The following ANPEP variants were observed in gnomAD, a reference collection of about 807,000 sequenced individuals.
The protein encoded by ANPEP is alanyl aminopeptidase, membrane.
Under a neutral mutation model 114.6 loss-of-function variants are expected in ANPEP, and 70 were observed. The ratio of observed to expected loss-of-function variants is 0.61; its 90% CI spans 0.50 to 0.75. The LOEUF (loss-of-function observed/expected upper bound fraction) is 0.75. ANPEP is among the 30% of genes least tolerant of loss of function. The pLI is 0.00. For missense variants in ANPEP, 1,184 were observed against 1,259.5 expected, an observed-to-expected ratio of 0.94 and a Z score of 0.91; for synonymous variants, 548 against 522.3, an observed-to-expected ratio of 1.05 and a Z score of -0.67.
chr15:89,797,738 G>C lies in ANPEP; in HGVS notation c.2010-16C>G, dbSNP rs1295083555. On this transcript the variant is annotated splice_polypyrimidine_tract_variant and intron_variant, in intron 14 of 20. Transcript: ENST00000300060. ...CTTATGGGCACTGGGAATAAACAGA[G>C]GGGCCCAAGTAAAGCACCTCCACCC... is the stretch of plus-strand genomic sequence containing the variant. 1 of 1,613,788 alleles carries C rather than the reference G, an allele frequency of 6.2e-7. No homozygotes were observed.
At chr15:89,800,261 C>G (rs549731834) in intron 12 of ANPEP, among the ~76,000 whole-genome samples, 1 of 152,208 alleles carries the variant, frequency 6.6e-6, no homozygotes. Flanking sequence ...GATTCCTACT[C>G]TTCCTCTAAG....
intron 4 of ANPEP, 61 bp downstream of exon 4, chr15:89,805,017 C>A: frequency 6.2e-7 from 1 of 1,607,262 alleles, no homozygotes; most frequent in Non-Finnish European, 8.5e-7. Context: ...ATGAAGAGAA[C>A]GGGAAGACCC....
intron 1 of ANPEP, among the ~76,000 whole-genome samples, chr15:89,813,673 G>A (rs1338982969): frequency 6.6e-6 from 1 of 152,108 alleles, no homozygotes; most frequent in Non-Finnish European, 1.5e-5. Context: ...TGGGACAGAG[G>A]CTGTCCCCAC....
At chr15:89,791,361 C>G (rs1412703713) in intron 18 of ANPEP, among the ~76,000 whole-genome samples, 1 of 152,156 alleles carries the variant, frequency 6.6e-6, no homozygotes, top group Middle Eastern at 3.2e-3. Context: ...TCCTAGCGCC[C>G]CAAGCCCTGG....
intron 1 of ANPEP, among the ~76,000 whole-genome samples, chr15:89,814,006 C>A (rs371615946): frequency 7.6e-6 from 1 of 131,932 alleles, no homozygotes; most frequent in Non-Finnish European, 1.5e-5. Context: ...GGGGGGGGTG[C>A]GTTCTGGAGT....
chr15:89,806,684 G>A lies in ANPEP; in HGVS notation c.-101C>T, dbSNP rs1894723204. The A allele has an allele frequency of 6.9e-7, 1 of 1,443,558 alleles. No homozygotes were observed. Among genetic ancestry groups the A allele is most frequent in the African/African-American group, 1.4e-5 (1 of 69,706 alleles). The allele number at this position is 1,443,558 out of a possible 1,614,324, so 89.4% of individuals were successfully genotyped here. On this transcript the variant is annotated 5_prime_UTR_variant, in exon 2 of 21. Transcript: ENST00000300060. The surrounding 1 kb of genome is among the most constrained non-coding windows in gnomAD (Gnocchi z 5.7). ...CCCAAAGGGGAGGAGCCCCACAACA[G>A]GCAGACTGGGCAAAAATTAACCAGG...
chr15:89,811,564 T>C (rs1383758891), intron 1 of ANPEP, among the ~76,000 whole-genome samples: 3 of 149,134 alleles, frequency 2.0e-5, no homozygotes, highest in African/African-American at 7.5e-5. Context: ...GAGAATGGCA[T>C]GAACCCGGGA....
rs2141802569 is a variant in ANPEP at position 89,799,923 on chromosome 15, C to T, written c.1820-364G>A. Among the ~76,000 whole-genome samples the T allele has an allele frequency of 6.6e-6, 1 of 152,332 alleles. No homozygotes were observed. The highest frequency in any genetic ancestry group is 2.1e-4 in the South Asian group (1 of 4,828). On this transcript the variant is annotated intron_variant, in intron 12 of 20. Coordinates refer to ENST00000300060, the MANE Select transcript of ANPEP (RefSeq NM_001150.3). This position sits in a 1 kb window ranked among gnomAD's most constrained non-coding sequence, Gnocchi z 4.2. ...GTGGGAACCACAGGCAGCTCCTCCT[C>T]TCCCTTCCCCTCCCATTCACCCAGA...
intron 16 of ANPEP, 150 bp from the exon 17 acceptor site, chr15:89,792,712 C>A: frequency 1.4e-6 from 1 of 722,088 alleles, no homozygotes. Flanking sequence ...GTGCCTTGGG[C>A]CTGAGGTTCC....
Position 89,806,845 on chromosome 15 carries a change from C to T in ANPEP, c.-223-39G>A, listed in dbSNP as rs1018806722. The T allele has an allele frequency of 6.7e-5, 31 of 465,354 alleles. No individual in the cohort carries two copies. In the South Asian group the frequency reaches 7.8e-4, roughly 12 times the overall value. 28.8% of individuals were successfully genotyped at this position (465,354 alleles called of 1,614,324 possible). ...ACAGTGTCTGGTTACAGGCTGCAGG[C>T]GGCCTGGGATCAGGCCCGAGGGCTG... On this transcript the variant is annotated intron_variant, in intron 1 of 20. Transcript: ENST00000300060. This position sits in a 1 kb window ranked among gnomAD's most constrained non-coding sequence, Gnocchi z 5.7.
chr15:89,813,035 T>A (rs988712986), intron 1 of ANPEP, among the ~76,000 whole-genome samples: 4 of 151,962 alleles, frequency 2.6e-5, no homozygotes, highest in Admixed American at 6.6e-5. Flanking sequence ...CTCCAAGGTG[T>A]GACTGGGACC....
chr15:89,790,168 C>T (rs1186741823), intron 20 of ANPEP, among the ~76,000 whole-genome samples: 2 of 152,150 alleles, frequency 1.3e-5, no homozygotes, highest in African/African-American at 2.4e-5. Context: ...AAATTGCCCG[C>T]CCGGAAAAAG....
intron 19 of ANPEP, 59 bp downstream of exon 19, chr15:89,790,894 A>AC (rs1434590611): frequency 2.5e-6 from 4 of 1,589,928 alleles, no homozygotes; most frequent in Admixed American, 3.5e-5. Context: ...CGCACAGGCC[A>AC]CCCCCCGGGG....
Position 89,799,767 on chromosome 15 carries a change from C to T in ANPEP, c.1820-208G>A, listed in dbSNP as rs551327181. Among the ~76,000 whole-genome samples the T allele has an allele frequency of 5.3e-5, 8 of 152,184 alleles. No homozygotes were observed. Among genetic ancestry groups the T allele is most frequent in the South Asian group, 2.1e-4 (1 of 4,836 alleles). ...AACCCATGAAGATGACATGCCACCC[C>T]AAACCTCAGAACCTGCCCTGCCTCC... is the stretch of plus-strand genomic sequence containing the variant. On this transcript the variant is annotated intron_variant, in intron 12 of 20. Transcript: ENST00000300060. The surrounding 1 kb of genome is among the most constrained non-coding windows in gnomAD (Gnocchi z 4.2).
Position 89,785,507 on chromosome 15 carries a change from A to G in ANPEP, c.2752-6T>C. 6.2e-7 allele frequency: 1 copy of G among 1,612,216 alleles called. No individual in the cohort carries two copies. The highest frequency in any genetic ancestry group is 8.5e-7 in the Non-Finnish European group (1 of 1,179,656). On this transcript the variant is annotated splice_polypyrimidine_tract_variant and splice_region_variant and intron_variant, in intron 20 of 20. Transcript: ENST00000300060. ...TCCTTCTTGAACTGCTCCAGCTGCC[A>G]GAAAAACAAAAGATTCTCAGTCCGG...
chr15:89,794,258 C>T (rs1329053506), intron 15 of ANPEP, among the ~76,000 whole-genome samples: 1 of 151,806 alleles, frequency 6.6e-6, no homozygotes, highest in Non-Finnish European at 1.5e-5. Context: ...CTGAGGCGGG[C>T]GGATCACCTG....
At position 89,797,632 on chromosome 15, in the gene ANPEP, G is replaced by A. The variant is rs1968755009; in HGVS notation, c.2100C>T (p.Ser700=). The A allele has an allele frequency of 5.6e-6, 9 of 1,614,162 alleles. No homozygotes were observed. Among genetic ancestry groups the A allele is most frequent in the Admixed American group, 1.7e-5 (1 of 60,026 alleles). The part of the protein sequence containing the change: ...RQYMPWEAAL[S]SLSYFKLMFD... Reference sequence around the variant, plus strand: ...ACATGAGCTTGAAGTAGCTCAGGCTGCTCAGGGCGGCCTCCCAGGGCATGT... The same window carrying A: ...ACATGAGCTTGAAGTAGCTCAGGCTACTCAGGGCGGCCTCCCAGGGCATGT... The change falls in exon 15 of 21, where the codon AGC becomes AGT. Residue 700 remains serine, a synonymous_variant. Transcript: ENST00000300060.
chr15:89,797,348 T>C (rs1426831583), intron 15 of ANPEP: 5 of 528,934 alleles, frequency 9.5e-6, no homozygotes, highest in Non-Finnish European at 1.6e-5. Context: ...ACTCACCTCC[T>C]CAGTGCCTGC....
In ANPEP at chr15:89,801,466, C is replaced by A. The variant is rs200223672; in HGVS notation, c.1711G>T (p.Asp571Tyr). ...TCTGAGGGGCGGGTAACATTGGAATCGGGGTCAAGGAGGAAGTGCTCCTGG... is the reference window on the plus strand; with the variant it reads ...TCTGAGGGGCGGGTAACATTGGAATAGGGGTCAAGGAGGAAGTGCTCCTGG... ...LSQEHFLLDPDSNVTRPSEFN... is the reference protein window; with the variant it reads ...LSQEHFLLDPYSNVTRPSEFN... The change falls in exon 11 of 21, where the codon GAT becomes TAT. Residue 571 changes from aspartate to tyrosine, a missense_variant. Coordinates refer to ENST00000300060, the MANE Select transcript of ANPEP (RefSeq NM_001150.3). 6.2e-6 allele frequency: 10 copies of A among 1,614,056 alleles called. No homozygotes were observed. The South Asian group carries it at 7.7e-5, about 12-fold the overall frequency.
Sources: gnomAD v4.1 joint callset for allele counts (sites outside exome capture counted in the v4.1 genomes callset) on GRCh38, gnomAD v4.1.1 for gene constraint, Gnocchi (gnomAD v3.1) non-coding constraint, MANE v1.5 for transcripts, NCBI Gene and HGNC (gene_info 2026-07-23, HGNC 2026-07-21) for gene names.